Variants in ROBO2 observed in about 807,000 individuals in gnomAD.
ROBO2 encodes roundabout guidance receptor 2.
In ROBO2, 53 loss-of-function variants were observed where a neutral mutation model predicts 160.8. The observed-to-expected ratio is 0.33, with a 90% CI of 0.26 to 0.41. The LOEUF (loss-of-function observed/expected upper bound fraction) is 0.41, where lower values mean the gene tolerates loss of function less well. Ranked by LOEUF, ROBO2 falls within the 10% of genes least tolerant of loss-of-function variation. ROBO2 has a pLI of 1.00. For synonymous variants in ROBO2, 664 were observed against 611.7 expected (o/e 1.09, Z -1.26); for missense variants, 1,577 against 1,722.4 (o/e 0.92, Z 1.49).
At chr3:76,471,936 C>T (rs2078676515) in intron 2 of ROBO2, among the ~76,000 whole-genome samples, 1 of 152,098 alleles carries the variant, frequency 6.6e-6, no homozygotes, top group Admixed American at 6.6e-5. Context: ...TAACCGCCCT[C>T]ACGATTCAGT....
intron 2 of ROBO2, among the ~76,000 whole-genome samples, chr3:76,992,567 C>G (rs2060745643): frequency 6.6e-6 from 1 of 151,410 alleles, no homozygotes; most frequent in Non-Finnish European, 1.5e-5. Context: ...AAAAATCATG[C>G]ACTTGGACCA....
chr3:76,762,004 GA>G (rs1476356456), intron 2 of ROBO2, among the ~76,000 whole-genome samples: 2 of 83,974 alleles, frequency 2.4e-5, no homozygotes, highest in Non-Finnish European at 5.0e-5. Flanking sequence ...AATCAATAGA[GA>G]AAAACAGTTT....
At chr3:77,305,302 G>A (rs988212093) in intron 2 of ROBO2, among the ~76,000 whole-genome samples, 23 of 152,200 alleles carry the variant, frequency 1.5e-4, no homozygotes, top group Non-Finnish European at 1.2e-4. Flanking sequence ...CAAAACAAGG[G>A]ATTTCAACTG....
intron 2 of ROBO2, among the ~76,000 whole-genome samples, chr3:77,120,820 A>G (rs6785747): frequency 0.2 from 30,420 of 152,134 alleles, 4,647 homozygotes; most frequent in African/African-American, 0.42. Flanking sequence ...AGGCATTGGT[A>G]TTTTGAAATT....
intron 2 of ROBO2, among the ~76,000 whole-genome samples, chr3:76,361,237 A>G (rs2075500706): frequency 6.6e-6 from 1 of 152,094 alleles, no homozygotes; most frequent in Non-Finnish European, 1.5e-5. Flanking sequence ...TGGTCTACTC[A>G]AGCCTCTGGC....
intron 2 of ROBO2, among the ~76,000 whole-genome samples, chr3:76,393,600 T>G (rs1247345120): frequency 6.6e-6 from 1 of 152,170 alleles, no homozygotes; most frequent in Non-Finnish European, 1.5e-5. Flanking sequence ...TTGTCCCTGT[T>G]TTGAGAAACA....
chr3:77,610,561 C>T (rs937373280), intron 21 of ROBO2, among the ~76,000 whole-genome samples: 1 of 151,760 alleles, frequency 6.6e-6, no homozygotes, highest in African/African-American at 2.4e-5. Context: ...AATAGAAAAA[C>T]ATTTGGTGGC....
chr3:76,577,052 T>A (rs564352309), intron 2 of ROBO2, among the ~76,000 whole-genome samples: 1 of 152,134 alleles, frequency 6.6e-6, no homozygotes, highest in Admixed American at 6.6e-5. Context: ...AGCAGTCTGT[T>A]AATATTCTTT....
At chr3:76,603,128 G>A (rs1002699628) in intron 2 of ROBO2, among the ~76,000 whole-genome samples, 4 of 151,050 alleles carry the variant, frequency 2.6e-5, no homozygotes, top group African/African-American at 7.3e-5. Context: ...TCAGGAGATC[G>A]AGACCATCCT....
chr3:77,430,515 A>G (rs1444292669), intron 2 of ROBO2, among the ~76,000 whole-genome samples: 12 of 152,170 alleles, frequency 7.9e-5, no homozygotes. Flanking sequence ...TATGTGGCTA[A>G]GTCTGAATGT....
chr3:76,805,553 A>G lies in ROBO2; in HGVS notation c.110-292461A>G, dbSNP rs148641940. On this transcript the variant is annotated intron_variant, in intron 2 of 26. Coordinates refer to the ROBO2 transcript ENST00000487694. ...GAAATATATATATTTCAACAAATGTATATATTTCATAGATTTTGAGAAATT... is the reference window on the plus strand; with the variant it reads ...GAAATATATATATTTCAACAAATGTGTATATTTCATAGATTTTGAGAAATT... 1.6e-3 allele frequency among the ~76,000 whole-genome samples: 239 copies of G among 152,114 alleles called. 1 individual carries two copies. Among genetic ancestry groups the G allele is most frequent in the Admixed American group, 0.015 (230 of 15,250 alleles).
chr3:77,036,176 T>C (rs1559876170), upstream of ROBO2, among the ~76,000 whole-genome samples: 1 of 151,948 alleles, frequency 6.6e-6, no homozygotes, highest in Non-Finnish European at 1.5e-5. Context: ...TATCTAATCT[T>C]CATTTTTCTC....
intron 2 of ROBO2, among the ~76,000 whole-genome samples, chr3:77,183,526 T>C (rs1235102299): frequency 6.6e-6 from 1 of 151,830 alleles, no homozygotes; most frequent in Non-Finnish European, 1.5e-5. Flanking sequence ...CCATGTAAGG[T>C]CATAGGAATA....
intron 2 of ROBO2, among the ~76,000 whole-genome samples, chr3:76,178,873 G>A (rs562126639): frequency 7.1e-4 from 108 of 152,142 alleles, no homozygotes; most frequent in African/African-American, 2.5e-3. Context: ...CCTGAGAGGC[G>A]GAGGTTGCAA....
chr3:77,162,192 C>T (rs867146789), intron 2 of ROBO2, among the ~76,000 whole-genome samples: 2 of 151,752 alleles, frequency 1.3e-5, no homozygotes, highest in Middle Eastern at 3.2e-3. Flanking sequence ...CACGACAGCT[C>T]AGGAGAAAAA....
chr3:77,632,090 T>C (rs2095175201), intron 23 of ROBO2: 1 of 154,638 alleles, frequency 6.5e-6, no homozygotes, highest in African/African-American at 2.4e-5. Flanking sequence ...ATTCACACTA[T>C]TTCTTCAACT....
chr3:76,587,257 G>C (rs2086104897), intron 2 of ROBO2, among the ~76,000 whole-genome samples: 1 of 152,068 alleles, frequency 6.6e-6, no homozygotes, highest in South Asian at 2.1e-4. Flanking sequence ...CATGAGATTA[G>C]GGGCTTTTCC....
At chr3:76,633,085 T>C (rs1176567448) in intron 2 of ROBO2, among the ~76,000 whole-genome samples, 1 of 152,152 alleles carries the variant, frequency 6.6e-6, no homozygotes, top group Non-Finnish European at 1.5e-5. Flanking sequence ...ACCCATACTT[T>C]CAAAGTAAGA....
intron 2 of ROBO2, among the ~76,000 whole-genome samples, chr3:76,565,428 T>C (rs554106130): frequency 1.3e-5 from 2 of 152,334 alleles, no homozygotes; most frequent in African/African-American, 4.8e-5. Context: ...ATCCACAGGA[T>C]AGTAACTCTA....
Sources: allele counts gnomAD v4.1 joint callset (sites outside exome capture counted in the v4.1 genomes callset), GRCh38; gene constraint gnomAD v4.1.1; transcripts MANE v1.5; gene names NCBI Gene and HGNC (gene_info 2026-07-23, HGNC 2026-07-21).